ZC3H7A: variants seen among roughly 807,000 people sequenced by gnomAD.
ZC3H7A encodes zinc finger CCCH-type containing 7A.
In ZC3H7A, 44 loss-of-function variants were observed where a neutral mutation model predicts 125.5. The ratio of observed to expected loss-of-function variants is 0.35; its 90% CI spans 0.28 to 0.45. ZC3H7A has a LOEUF of 0.45. ZC3H7A is among the 20% of genes least tolerant of loss of function. The pLI is 1.00. For synonymous variants in ZC3H7A, 399 were observed against 391.2 expected (o/e 1.02, Z -0.23); for missense variants, 977 against 1,170.7 (o/e 0.83, Z 2.41).
chr16:11,762,584 G>C (rs887979209), intron 17 of ZC3H7A, 87 bp downstream of exon 17: 7 of 1,216,240 alleles, frequency 5.8e-6, no homozygotes, highest in African/African-American at 4.5e-5. Flanking sequence ...TGGACTGTAA[G>C]TGTTAACTGC....
intron 8 of ZC3H7A, 95 bp downstream of exon 8, chr16:11,774,885 A>T (rs2053053423): frequency 7.3e-7 from 1 of 1,366,344 alleles, no homozygotes; most frequent in Non-Finnish European, 1.0e-6. Flanking sequence ...GAATATAACC[A>T]CACAGCGATA....
intron 13 of ZC3H7A, among the ~76,000 whole-genome samples, chr16:11,766,831 C>T (rs1354773587): frequency 6.6e-6 from 1 of 152,006 alleles, no homozygotes; most frequent in Non-Finnish European, 1.5e-5. Context: ...TGCAGTGAGC[C>T]GAGATTGCGC....
At chr16:11,753,337 A>C (rs112706011) in intron 21 of ZC3H7A, among the ~76,000 whole-genome samples, 2 of 152,268 alleles carry the variant, frequency 1.3e-5, no homozygotes, top group Non-Finnish European at 1.5e-5. Flanking sequence ...GATGCAAACT[A>C]TAAGTGTTGG....
intron 10 of ZC3H7A, among the ~76,000 whole-genome samples, chr16:11,770,119 T>A (rs575878982): frequency 6.6e-6 from 1 of 152,200 alleles, no homozygotes; most frequent in South Asian, 2.1e-4. Context: ...CACTCAATTA[T>A]TTTCTCTCTG....
chr16:11,755,257 T>C, intron 21 of ZC3H7A, among the ~76,000 whole-genome samples: 1 of 151,300 alleles, frequency 6.6e-6, no homozygotes. Flanking sequence ...TAGGTAAACA[T>C]GGCCTGGAAA....
intron 10 of ZC3H7A, among the ~76,000 whole-genome samples, chr16:11,770,504 T>G (rs1189577702): frequency 6.6e-6 from 1 of 152,170 alleles, no homozygotes; most frequent in African/African-American, 2.4e-5. Context: ...ACATTGTCAT[T>G]TCACCCCCAA....
At chr16:11,775,619 T>A (rs1302610127) in intron 7 of ZC3H7A, 1 of 152,038 alleles carries the variant, frequency 6.6e-6, no homozygotes, top group East Asian at 1.9e-4. Flanking sequence ...CAACTCACAA[T>A]AGCCATTAGC....
rs1175832659 is a variant in ZC3H7A, at chr16:11,775,871, G to A, written c.585+449C>T. Among the ~76,000 whole-genome samples the A allele has an allele frequency of 2.0e-5, 3 of 152,120 alleles. No individual in the cohort carries two copies. In the South Asian group the frequency reaches 6.2e-4, roughly 32 times the overall value. ...TAGATGTTCTTTTGTAAAGTGACTA[G>A]AAGAGGCCAGAAGAGATGGCTCACG... On this transcript the variant is annotated intron_variant, in intron 7 of 22. Coordinates refer to ENST00000355758, the MANE Select transcript of ZC3H7A (RefSeq NM_014153.4).
intron 5 of ZC3H7A, 91 bp from the exon 6 acceptor site, chr16:11,776,623 C>A: frequency 6.7e-7 from 1 of 1,495,478 alleles, no homozygotes; most frequent in African/African-American, 1.4e-5. Flanking sequence ...CATCAAGACA[C>A]CTGCTTCATT....
At chr16:11,787,614 C>T (rs2053277910) in intron 1 of ZC3H7A, among the ~76,000 whole-genome samples, 1 of 152,102 alleles carries the variant, frequency 6.6e-6, no homozygotes, top group South Asian at 2.1e-4. Flanking sequence ...AGTGTGCCAC[C>T]ATGCTCAGCT....
Position 11,765,040 on chromosome 16 carries a change from A to AC in ZC3H7A, c.1820+12dup. On this transcript the variant is annotated intron_variant, in intron 15 of 22. Transcript: ENST00000355758. This position sits in a 1 kb window ranked among gnomAD's most constrained non-coding sequence, Gnocchi z 4.8. Reference sequence around the variant, plus strand: ...TATTTTGTCATTACAGAAATTAGAAACTATCAACATACTTATTGTCTTCAA... The same window carrying AC: ...TATTTTGTCATTACAGAAATTAGAAACCTATCAACATACTTATTGTCTTCAA... 1 of 1,503,550 alleles carries AC rather than the reference A, an allele frequency of 6.7e-7. No individual in the cohort carries two copies. Among genetic ancestry groups the AC allele is most frequent in the Non-Finnish European group, 9.0e-7 (1 of 1,108,598 alleles). The allele number at this position is 1,503,550 out of a possible 1,614,324, so 93.1% of individuals were successfully genotyped here.
At position 11,767,565 on chromosome 16, in the gene ZC3H7A, C is replaced by A; in HGVS notation, c.1374G>T (p.Met458Ile). ...ICFVKSGPKL[M>I]DFTYHANIDH... ...CTATGTTAGCATGGTAAGTGAAATCCATTAACTTAGGGCCTGAAAAAGATG... is the reference window on the plus strand; with the variant it reads ...CTATGTTAGCATGGTAAGTGAAATCAATTAACTTAGGGCCTGAAAAAGATG... Residue 458 changes from methionine to isoleucine, a missense_variant, in exon 13 of 23, where the codon ATG becomes ATT. This residue lies in a region of ZC3H7A where 342 missense variants were observed against 311.3 expected (regional missense o/e 1.10). Coordinates refer to ENST00000355758, the MANE Select transcript of ZC3H7A (RefSeq NM_014153.4). 2 of 1,579,542 alleles carry A rather than the reference C, an allele frequency of 1.3e-6. No individual in the cohort carries two copies. The highest frequency in any genetic ancestry group is 1.7e-6 in the Non-Finnish European group (2 of 1,164,834).
At chr16:11,780,952 T>C (rs962482140) in intron 3 of ZC3H7A, among the ~76,000 whole-genome samples, 1 of 152,208 alleles carries the variant, frequency 6.6e-6, no homozygotes, top group African/African-American at 2.4e-5. Context: ...CCACACACTC[T>C]TTCTCAATAA....
Position 11,761,990 on chromosome 16 carries a change from C to G in ZC3H7A, c.2133G>C (p.Val711=). Residue 711 remains valine (V), a synonymous_variant, in exon 18 of 23, where the codon GTG becomes GTC. Coordinates refer to ENST00000355758, the MANE Select transcript of ZC3H7A (RefSeq NM_014153.4). ...PGFLNMKIKF[V]CAQCLRNGQV... ...GACCGTTTCTCAGACACTGGGCGCA[C>G]ACAAACTTTATCTTCATATTAAGAA... 1.9e-6 allele frequency: 3 copies of G among 1,613,152 alleles called. No homozygotes were observed. Among genetic ancestry groups the G allele is most frequent in the Non-Finnish European group, 2.5e-6 (3 of 1,179,780 alleles).
chr16:11,755,292 G>A (rs2052623906), intron 21 of ZC3H7A, among the ~76,000 whole-genome samples: 1 of 151,808 alleles, frequency 6.6e-6, no homozygotes, highest in South Asian at 2.1e-4. Context: ...CTGTTCCCCT[G>A]GGGAGGGGAA....
At chr16:11,782,630 C>T (rs11075013) in intron 1 of ZC3H7A, 42,899 of 227,088 alleles carry the variant, frequency 0.19, 5,291 homozygotes, top group East Asian at 0.41. Context: ...TTTTTTGAGA[C>T]GGAGTCTCGC....
Position 11,765,730 on chromosome 16 carries a change from GC to G in ZC3H7A, c.1523-46del. 1 of 1,568,076 alleles carries G rather than the reference GC, an allele frequency of 6.4e-7. No individual in the cohort carries two copies. The highest frequency in any genetic ancestry group is 8.7e-7 in the Non-Finnish European group (1 of 1,152,052). On this transcript the variant is annotated intron_variant, in intron 13 of 22. Transcript: ENST00000355758. This position sits in a 1 kb window ranked among gnomAD's most constrained non-coding sequence, Gnocchi z 4.8. ...ACAGACATTGAAAACATGGCAATTG[GC>G]CTGTACTCCCAGCTACTTGGGAGGC...
intron 5 of ZC3H7A, 99 bp downstream of exon 5, chr16:11,776,652 A>C: frequency 6.6e-7 from 1 of 1,507,716 alleles, no homozygotes; most frequent in South Asian, 1.3e-5. Flanking sequence ...TACCCAACTG[A>C]AGCAGGTTGA....
In ZC3H7A at chr16:11,751,413, T is replaced by C. The variant is rs771696446; in HGVS notation, c.2820A>G (p.Leu940=). ...LHEWEERRDA[L]KMKLNKARKD... is the part of the protein sequence containing the mutation. Reference sequence around the variant, plus strand: ...TTCGTGCTTTGTTGAGCTTCATCTTTAGGGCATCTCTTCTTTCTTCCCATT... The same window carrying C: ...TTCGTGCTTTGTTGAGCTTCATCTTCAGGGCATCTCTTCTTTCTTCCCATT... The change falls in exon 23 of 23, where the codon CTA becomes CTG. Residue 940 remains leucine, a synonymous_variant. Coordinates refer to ENST00000355758, the MANE Select transcript of ZC3H7A (RefSeq NM_014153.4). The C allele has an allele frequency of 3.1e-6, 5 of 1,614,222 alleles. No homozygotes were observed. Among genetic ancestry groups the C allele is most frequent in the Admixed American group, 1.7e-5 (1 of 60,022 alleles).
Sources: gnomAD v4.1 joint callset for allele counts (sites outside exome capture counted in the v4.1 genomes callset) on GRCh38, gnomAD v4.1.1 for gene constraint, gnomAD v4.1.1 regional missense constraint, Gnocchi (gnomAD v3.1) non-coding constraint, MANE v1.5 for transcripts, NCBI Gene and HGNC (gene_info 2026-07-23, HGNC 2026-07-21) for gene names.